Variants in RGS9 observed in about 807,000 individuals in gnomAD.
RGS9 encodes regulator of G protein signaling 9, also known as regulator of G-protein signalling 9.
In RGS9, 78 loss-of-function variants were observed where a neutral mutation model predicts 102.0. The observed-to-expected ratio is 0.76, with a 90% CI of 0.64 to 0.92. The LOEUF (loss-of-function observed/expected upper bound fraction) is 0.92, where lower values mean the gene tolerates loss of function less well. Among genes scored for constraint, RGS9 ranks in the 40% least tolerant of loss-of-function variants. RGS9 has a pLI of 0.00. For synonymous variants in RGS9, 353 were observed against 318.6 expected, an observed-to-expected ratio of 1.11 and a Z score of -1.15; for missense variants, 833 against 866.1, an observed-to-expected ratio of 0.96 and a Z score of 0.48.
At position 65,137,436 on chromosome 17, in the gene RGS9, G is replaced by T. The variant is rs959760863; in HGVS notation, c.-105G>T. 3.0e-5 allele frequency: 36 copies of T among 1,196,992 alleles called. No individual in the cohort carries two copies. Among genetic ancestry groups the T allele is most frequent in the Non-Finnish European group, 4.3e-5 (35 of 816,612 alleles). The allele number at this position is 1,196,992 out of a possible 1,614,324, so 74.1% of individuals were successfully genotyped here. A position where few individuals can be genotyped will look rare whatever the true frequency, so the allele number is the denominator to read the frequency against. On this transcript the variant is annotated 5_prime_UTR_variant, in exon 1 of 19. Coordinates refer to ENST00000262406, the MANE Select transcript of RGS9 (RefSeq NM_003835.4). ...GCCCTCCCCGCCCAGCCGCCTCCCC[G>T]TCGACGCCCAGGGCTGGGGCGAGCC...
At chr17:65,170,593 C>T (rs1341908305) in intron 8 of RGS9, among the ~76,000 whole-genome samples, 1 of 152,182 alleles carries the variant, frequency 6.6e-6, no homozygotes, top group Admixed American at 6.5e-5. Flanking sequence ...TGGTACAGTT[C>T]AGTCCTTTGG....
At chr17:65,216,737 A>G (rs1431862597) in intron 17 of RGS9, among the ~76,000 whole-genome samples, 2 of 152,220 alleles carry the variant, frequency 1.3e-5, no homozygotes, top group African/African-American at 4.8e-5. Flanking sequence ...TTTCTAATCC[A>G]TTCCTGTTCT....
intron 9 of RGS9, among the ~76,000 whole-genome samples, chr17:65,181,877 C>T (rs75088719): frequency 0.059 from 9,052 of 152,274 alleles, 790 homozygotes; most frequent in East Asian, 0.29. Flanking sequence ...CTAATCAACA[C>T]GTAGAGACAC....
chr17:65,180,296 G>T (rs1911824324), intron 9 of RGS9, among the ~76,000 whole-genome samples: 1 of 152,056 alleles, frequency 6.6e-6, no homozygotes, highest in African/African-American at 2.4e-5. Flanking sequence ...TGCCTGAGCT[G>T]GTTTGAAGAG....
intron 2 of RGS9, among the ~76,000 whole-genome samples, chr17:65,155,802 G>A (rs572715483): frequency 1.2e-3 from 185 of 152,330 alleles, no homozygotes; most frequent in Non-Finnish European, 1.8e-3. Flanking sequence ...TGAGTATGCA[G>A]TGGGTGCTGG....
At chr17:65,179,363 T>C (rs567029615) in intron 9 of RGS9, among the ~76,000 whole-genome samples, 1 of 152,268 alleles carries the variant, frequency 6.6e-6, no homozygotes, top group South Asian at 2.1e-4. Flanking sequence ...ACTCAGCTGT[T>C]CCCAGGGCAG....
chr17:65,158,025 T>A (rs1445398993), intron 2 of RGS9, among the ~76,000 whole-genome samples: 2 of 152,088 alleles, frequency 1.3e-5, no homozygotes, highest in African/African-American at 4.8e-5. Flanking sequence ...ACAAGAGATG[T>A]AAAGATGAAG....
chr17:65,177,013 C>T (rs1480789588), intron 8 of RGS9, among the ~76,000 whole-genome samples: 4 of 151,258 alleles, frequency 2.6e-5, no homozygotes, highest in African/African-American at 9.8e-5. Flanking sequence ...TTCCTTCATC[C>T]ATCCATCTCA....
At chr17:65,199,546 C>T (rs936732019) in intron 13 of RGS9, among the ~76,000 whole-genome samples, 26 of 135,858 alleles carry the variant, frequency 1.9e-4, no homozygotes, top group Admixed American at 8.4e-4. Context: ...CAGGCTGGAG[C>T]GCAGTGGCGT....
rs1045424670 is a variant in RGS9 at position 65,195,216 on chromosome 17, G to A, written c.860+1560G>A. Among the ~76,000 whole-genome samples the A allele has an allele frequency of 2.0e-5, 3 of 152,192 alleles. No individual in the cohort carries two copies. In the South Asian group the frequency reaches 6.2e-4, roughly 31 times the overall value. ...GAGGAGAAGGCAGGGAATCTGGCCA[G>A]GAAGAGGGTTGTCCTAGGAGGGCTT... On this transcript the variant is annotated intron_variant, in intron 12 of 18. Transcript: ENST00000262406.
intron 1 of RGS9, among the ~76,000 whole-genome samples, chr17:65,151,377 T>C (rs1910574803): frequency 6.6e-6 from 1 of 151,696 alleles, no homozygotes; most frequent in South Asian, 2.1e-4. Flanking sequence ...CAGCTGATAT[T>C]ATTTCCATTT....
chr17:65,143,793 C>CAAA (rs61423689), intron 1 of RGS9, among the ~76,000 whole-genome samples: 3 of 97,072 alleles, frequency 3.1e-5, no homozygotes, highest in African/African-American at 3.0e-5. Context: ...GACTCTGTCT[C>CAAA]AAAAAAAAAA....
chr17:65,169,830 C>CCCA (rs1297999942), intron 8 of RGS9, among the ~76,000 whole-genome samples: 3 of 151,986 alleles, frequency 2.0e-5, no homozygotes, highest in Non-Finnish European at 4.4e-5. Flanking sequence ...GCCTCCCCCC[C>CCCA]AGCCCATCTC....
At chr17:65,174,731 G>T (rs574562416) in intron 8 of RGS9, among the ~76,000 whole-genome samples, 2 of 152,070 alleles carry the variant, frequency 1.3e-5, no homozygotes, top group South Asian at 4.2e-4. Context: ...CATTCTCATA[G>T]TGTTATAAAG....
At chr17:65,206,222 G>A (rs1053798177) in intron 15 of RGS9, among the ~76,000 whole-genome samples, 3 of 152,104 alleles carry the variant, frequency 2.0e-5, no homozygotes, top group East Asian at 1.9e-4. Flanking sequence ...TAGAATTGCC[G>A]CCAAGCCAGA....
chr17:65,216,140 G>C (rs1004805642), intron 17 of RGS9, among the ~76,000 whole-genome samples: 1 of 152,210 alleles, frequency 6.6e-6, no homozygotes, highest in African/African-American at 2.4e-5. Context: ...GAAGGGATTT[G>C]AGGCAGCTCA....
intron 8 of RGS9, among the ~76,000 whole-genome samples, chr17:65,175,853 AAAC>A (rs1911605539): frequency 2.0e-5 from 3 of 152,258 alleles, no homozygotes; most frequent in Admixed American, 2.0e-4. Flanking sequence ...AATTTCAGAT[AAAC>A]AACAAATAAT....
At chr17:65,195,569 T>C (rs2144076881) in intron 12 of RGS9, among the ~76,000 whole-genome samples, 1 of 152,250 alleles carries the variant, frequency 6.6e-6, no homozygotes, top group East Asian at 1.9e-4. Flanking sequence ...CTCACTCCCT[T>C]TTCACCCCTT....
At chr17:65,187,697 A>G (rs1474854675) in intron 9 of RGS9, among the ~76,000 whole-genome samples, 1 of 152,188 alleles carries the variant, frequency 6.6e-6, no homozygotes, top group African/African-American at 2.4e-5. Flanking sequence ...CAAGGCAGGA[A>G]TTAAGAGGGT....
Sources: allele counts gnomAD v4.1 joint callset (sites outside exome capture counted in the v4.1 genomes callset), GRCh38; gene constraint gnomAD v4.1.1; transcripts MANE v1.5; gene names NCBI Gene and HGNC (gene_info 2026-07-23, HGNC 2026-07-21).